STX7: variants seen among roughly 807,000 people sequenced by gnomAD.
The protein encoded by STX7 is syntaxin 7, also known as syntaxin-7.
Under a neutral mutation model 39.6 loss-of-function variants are expected in STX7, and 34 were observed. That is an observed-to-expected ratio of 0.86 (90% CI 0.65 to 1.14). The LOEUF (loss-of-function observed/expected upper bound fraction) is 1.14, where lower values mean the gene tolerates loss of function less well. STX7 is among the 50% of genes most tolerant of loss of function. The pLI, the probability that STX7 is intolerant of heterozygous loss-of-function variation, is 0.00. For synonymous variants in STX7, 119 were observed against 99.1 expected (o/e 1.20, Z -1.19); for missense variants, 284 against 310.4 (o/e 0.92, Z 0.64).
chr6:132,494,156 A>C (rs1315291709), intron 2 of STX7, among the ~76,000 whole-genome samples: 2 of 152,180 alleles, frequency 1.3e-5, no homozygotes, highest in Non-Finnish European at 2.9e-5. Flanking sequence ...CTTAGGATAA[A>C]ATGTCTGTTA....
Position 132,460,346 on chromosome 6 carries a change from A to C in STX7, c.*412T>G, listed in dbSNP as rs1221651868. 1 of 153,380 alleles carries C rather than the reference A, an allele frequency of 6.5e-6. No homozygotes were observed. The highest frequency in any genetic ancestry group is 1.5e-5 in the Non-Finnish European group (1 of 68,882). 9.5% of individuals were successfully genotyped at this position (153,380 alleles called of 1,614,324 possible). On this transcript the variant is annotated 3_prime_UTR_variant, in exon 10 of 10. Coordinates refer to ENST00000367941, the MANE Select transcript of STX7 (RefSeq NM_003569.3). Reference sequence around the variant, plus strand: ...AATATTTTCCCTGCTGAAGCAAATCAAAATTAAATTTGAGAATTTTAATTG... The same window carrying C: ...AATATTTTCCCTGCTGAAGCAAATCCAAATTAAATTTGAGAATTTTAATTG...
intron 2 of STX7, among the ~76,000 whole-genome samples, chr6:132,482,735 TA>T (rs1186462721): frequency 6.6e-6 from 1 of 152,200 alleles, no homozygotes; most frequent in Non-Finnish European, 1.5e-5. Flanking sequence ...AAAGTAAGTT[TA>T]GGTCTGGCAG....
rs1018291783 is a variant in STX7, at chr6:132,447,148, T to G, written c.*13610A>C. The G allele has an allele frequency of 1.3e-4, 20 of 152,222 alleles. No individual in the cohort carries two copies. Among genetic ancestry groups the G allele is most frequent in the African/African-American group, 4.1e-4 (17 of 41,452 alleles). The allele number at this position is 152,222 out of a possible 1,614,324, so 9.4% of individuals were successfully genotyped here. Reference sequence around the variant, plus strand: ...TAATAAGTTTTTGTGCGTGTAACATTTGACACCAGGCTTTTAAGTAAAACA... The same window carrying G: ...TAATAAGTTTTTGTGCGTGTAACATGTGACACCAGGCTTTTAAGTAAAACA... On this transcript the variant is annotated 3_prime_UTR_variant, in exon 10 of 10. Transcript: ENST00000367941.
At position 132,460,207 on chromosome 6, in the gene STX7, A is replaced by G. The variant is rs1172084230; in HGVS notation, c.*551T>C. On this transcript the variant is annotated 3_prime_UTR_variant, in exon 10 of 10. Coordinates refer to ENST00000367941, the MANE Select transcript of STX7 (RefSeq NM_003569.3). The stretch of plus-strand genomic sequence containing the variant: ...AACTAGAAAAGTATTCACCGACTTC[A>G]GGGTAAAAAAGATCTTAAAAGAAAA... 1 of 152,242 alleles carries G rather than the reference A, an allele frequency of 6.6e-6. No homozygotes were observed. Among genetic ancestry groups the G allele is most frequent in the Non-Finnish European group, 1.5e-5 (1 of 68,052 alleles). 9.4% of individuals were successfully genotyped at this position (152,242 alleles called of 1,614,324 possible).
intron 2 of STX7, among the ~76,000 whole-genome samples, chr6:132,502,461 A>C (rs1189738165): frequency 3.9e-5 from 6 of 152,074 alleles, no homozygotes; most frequent in Non-Finnish European, 8.8e-5. Context: ...AAACAAAAAA[A>C]AGTAAAAAAA....
At position 132,460,496 on chromosome 6, in the gene STX7, T is replaced by C. The variant is rs1774362464; in HGVS notation, c.*262A>G. On this transcript the variant is annotated 3_prime_UTR_variant, in exon 10 of 10. Transcript: ENST00000367941. ...AAATAAATTATAAATGAAAGGCATATGCAATGTGGGCAAAAACTTAACAAC... is the reference window on the plus strand; with the variant it reads ...AAATAAATTATAAATGAAAGGCATACGCAATGTGGGCAAAAACTTAACAAC... 1.0e-5 allele frequency: 3 copies of C among 291,266 alleles called. No individual in the cohort carries two copies. Among genetic ancestry groups the C allele is most frequent in the African/African-American group, 2.2e-5 (1 of 45,462 alleles). 18.0% of individuals were successfully genotyped at this position (291,266 alleles called of 1,614,324 possible).
Position 132,447,356 on chromosome 6 carries a change from C to T in STX7, c.*13402G>A, listed in dbSNP as rs1036357849. ...TGCAGATTTTCTAAGAAATCTTTCC[C>T]TATCAGAGGTCCCCAAAACATTCCT... On this transcript the variant is annotated 3_prime_UTR_variant, in exon 10 of 10. Coordinates refer to ENST00000367941, the MANE Select transcript of STX7 (RefSeq NM_003569.3). The T allele has an allele frequency of 6.6e-6, 1 of 152,160 alleles. No homozygotes were observed. The highest frequency in any genetic ancestry group is 6.6e-5 in the Admixed American group (1 of 15,260). The allele number at this position is 152,160 out of a possible 1,614,324, so 9.4% of individuals were successfully genotyped here.
Position 132,513,072 on chromosome 6 carries a change from C to G in STX7, c.-124G>C, listed in dbSNP as rs1047360631. 1 of 152,396 alleles carries G rather than the reference C, an allele frequency of 6.6e-6. No individual in the cohort carries two copies. Among genetic ancestry groups the G allele is most frequent in the Non-Finnish European group, 1.5e-5 (1 of 68,156 alleles). 9.4% of individuals were successfully genotyped at this position (152,396 alleles called of 1,614,324 possible). ...CACCCACCTACCCCGGAGCCCTCAG[C>G]TGCAATTCTCAGCTGATGGGCGGTG... is the stretch of plus-strand genomic sequence containing the variant. On this transcript the variant is annotated 5_prime_UTR_variant, in exon 1 of 10. Coordinates refer to ENST00000367941, the MANE Select transcript of STX7 (RefSeq NM_003569.3).
chr6:132,500,106 C>T (rs1456137383), intron 2 of STX7, among the ~76,000 whole-genome samples: 1 of 152,212 alleles, frequency 6.6e-6, no homozygotes, highest in African/African-American at 2.4e-5. Context: ...CATCCGAGCT[C>T]TCCCCAGACC....
At chr6:132,474,034 G>A (rs1774807010) in intron 3 of STX7, among the ~76,000 whole-genome samples, 1 of 151,842 alleles carries the variant, frequency 6.6e-6, no homozygotes. Flanking sequence ...TTGAAGACCA[G>A]TGCCGGCAAC....
rs1016320336 is a variant in STX7, at chr6:132,473,506, T to C, written c.156-1131A>G. 3.4e-5 allele frequency among the ~76,000 whole-genome samples: 5 copies of C among 145,892 alleles called. No individual in the cohort carries two copies. The East Asian group carries it at 8.6e-4, about 25-fold the overall frequency. On this transcript the variant is annotated intron_variant, in intron 3 of 9. Coordinates refer to ENST00000367941, the MANE Select transcript of STX7 (RefSeq NM_003569.3). ...TATATTTTATAGTTCAGTTTTTTTT[T>C]TTATTATTGTGTTGTTTTTTTTTTT...
intron 1 of STX7, among the ~76,000 whole-genome samples, chr6:132,509,459 T>A (rs1562343441): frequency 0.026 from 76 of 2,920 alleles, no homozygotes; most frequent in Non-Finnish European, 0.052. Context: ...CAAAATAACA[T>A]AACATAACAT....
chr6:132,476,475 G>T (rs555561335), intron 2 of STX7, among the ~76,000 whole-genome samples: 1 of 152,202 alleles, frequency 6.6e-6, no homozygotes, highest in Non-Finnish European at 1.5e-5. Context: ...GACAAAGACA[G>T]AGGTGCTTTC....
chr6:132,452,779 A>G lies in STX7; in HGVS notation c.*7979T>C, dbSNP rs1179293325. The G allele has an allele frequency of 1.3e-5, 2 of 152,176 alleles. No individual in the cohort carries two copies. Among genetic ancestry groups the G allele is most frequent in the East Asian group, 3.8e-4 (2 of 5,196 alleles). 9.4% of individuals were successfully genotyped at this position (152,176 alleles called of 1,614,324 possible). Reference sequence around the variant, plus strand: ...CCTGTGATCATGATCGGGAAGGCTTAACATGGTAAAGATGTCAAATCTCCC... The same window carrying G: ...CCTGTGATCATGATCGGGAAGGCTTGACATGGTAAAGATGTCAAATCTCCC... On this transcript the variant is annotated 3_prime_UTR_variant, in exon 10 of 10. Transcript: ENST00000367941.
rs1356614259 is a variant in STX7 at position 132,456,873 on chromosome 6, G to C, written c.*3885C>G. 1 of 152,284 alleles carries C rather than the reference G, an allele frequency of 6.6e-6. No individual in the cohort carries two copies. The highest frequency in any genetic ancestry group is 1.5e-5 in the Non-Finnish European group (1 of 68,072). The allele number at this position is 152,284 out of a possible 1,614,324, so 9.4% of individuals were successfully genotyped here. A position where few individuals can be genotyped will look rare whatever the true frequency, so the allele number is the denominator to read the frequency against. ...CCTTCTGTCTCTGGTTCTAAGTTGA[G>C]AGTTGACCATGAGAAAAGGAGAGAC... On this transcript the variant is annotated 3_prime_UTR_variant, in exon 10 of 10. Coordinates refer to ENST00000367941, the MANE Select transcript of STX7 (RefSeq NM_003569.3).
At chr6:132,488,259 T>C (rs1171698153) in intron 2 of STX7, among the ~76,000 whole-genome samples, 1 of 152,224 alleles carries the variant, frequency 6.6e-6, no homozygotes, top group Non-Finnish European at 1.5e-5. Context: ...CTTGTATGAC[T>C]TGAATCTTTT....
rs535710398 is a variant in STX7, at chr6:132,491,141, AC to A, written c.85+12304del. On this transcript the variant is annotated intron_variant, in intron 2 of 9. Transcript: ENST00000367941. ...AAAACAAAAAAAAATGGGGAGAGTAACCACACAAAAGACTATTTTAAAATGT... is the reference window on the plus strand; with the variant it reads ...AAAACAAAAAAAAATGGGGAGAGTAACACACAAAAGACTATTTTAAAATGT... Among the ~76,000 whole-genome samples the A allele has an allele frequency of 1.2e-4, 19 of 152,268 alleles. No homozygotes were observed. In the East Asian group the frequency reaches 2.9e-3, roughly 23 times the overall value.
At chr6:132,490,964 T>TGCAGC (rs1775264881) in intron 2 of STX7, among the ~76,000 whole-genome samples, 1 of 63,794 alleles carries the variant, frequency 1.6e-5, no homozygotes, top group Admixed American at 1.5e-4. Flanking sequence ...AGTCCCTCAG[T>TGCAGC]GCAGCACAGC....
At position 132,455,057 on chromosome 6, in the gene STX7, C is replaced by T. The variant is rs1447370245; in HGVS notation, c.*5701G>A. ...GATAAGAATGAAATAAAATATATTC[C>T]CCATTAAAATCTTGCTTATTTTTAG... On this transcript the variant is annotated 3_prime_UTR_variant, in exon 10 of 10. Transcript: ENST00000367941. 6.6e-6 allele frequency: 1 copy of T among 152,008 alleles called. No individual in the cohort carries two copies. 9.4% of individuals were successfully genotyped at this position (152,008 alleles called of 1,614,324 possible). A position where few individuals can be genotyped will look rare whatever the true frequency, so the allele number is the denominator to read the frequency against.
Sources: gnomAD v4.1 joint callset for allele counts (sites outside exome capture counted in the v4.1 genomes callset) on GRCh38, gnomAD v4.1.1 for gene constraint, MANE v1.5 for transcripts, NCBI Gene and HGNC (gene_info 2026-07-23, HGNC 2026-07-21) for gene names.